Variants in FRZB observed in about 807,000 individuals in gnomAD.
FRZB encodes secreted frizzled-related protein 3.
Under a neutral mutation model 32.5 loss-of-function variants are expected in FRZB, and 34 were observed. The ratio of observed to expected loss-of-function variants is 1.05; its 90% confidence interval spans 0.80 to 1.39. The LOEUF (loss-of-function observed/expected upper bound fraction) is 1.39, where lower values mean the gene tolerates loss of function less well. FRZB is among the 40% of genes most tolerant of loss of function. FRZB has a pLI of 0.00. For synonymous variants in FRZB, 170 were observed against 159.2 expected (o/e 1.07, Z -0.51); for missense variants, 423 against 424.8 (o/e 1.00, Z 0.04).
chr2:182,856,994 C>G (rs868746056), intron 2 of FRZB, among the ~76,000 whole-genome samples: 1 of 152,082 alleles, frequency 6.6e-6, no homozygotes, highest in Non-Finnish European at 1.5e-5. Flanking sequence ...TTCCACCCAA[C>G]AGCAAAATAC....
chr2:182,857,553 GT>G (rs1024107875), intron 2 of FRZB, among the ~76,000 whole-genome samples: 2 of 151,132 alleles, frequency 1.3e-5, no homozygotes, highest in African/African-American at 2.4e-5. Context: ...GGAAGTGGAG[GT>G]TGTGGTGAGC....
At chr2:182,846,857 G>A (rs1695646838) in intron 2 of FRZB, among the ~76,000 whole-genome samples, 1 of 152,068 alleles carries the variant, frequency 6.6e-6, no homozygotes, top group Admixed American at 6.6e-5. Context: ...TTAACATCTG[G>A]TAACATCCAT....
intron 1 of FRZB, among the ~76,000 whole-genome samples, chr2:182,862,307 C>T (rs539296051): frequency 8.5e-5 from 13 of 152,312 alleles, no homozygotes; most frequent in South Asian, 2.1e-4. Context: ...GCCCTTGGCA[C>T]GGCAAACTGT....
intron 5 of FRZB, 80 bp from the exon 6 acceptor site, chr2:182,835,045 G>T: frequency 1.0e-6 from 1 of 994,952 alleles, no homozygotes; most frequent in South Asian, 1.3e-5. Flanking sequence ...AACTGGGTCA[G>T]ACTGCAAGTT....
intron 1 of FRZB, among the ~76,000 whole-genome samples, chr2:182,863,206 G>A (rs933269523): frequency 1.3e-5 from 2 of 151,306 alleles, no homozygotes; most frequent in Non-Finnish European, 3.0e-5. Flanking sequence ...TTCACACCTG[G>A]TCTGCCCCAC....
intron 2 of FRZB, among the ~76,000 whole-genome samples, chr2:182,855,291 A>G (rs1464471419): frequency 1.3e-5 from 2 of 152,186 alleles, no homozygotes; most frequent in East Asian, 3.8e-4. Context: ...TACTCTACAC[A>G]TGAAGATGTA....
chr2:182,853,223 G>T (rs1454693338), intron 2 of FRZB, among the ~76,000 whole-genome samples: 1 of 152,144 alleles, frequency 6.6e-6, no homozygotes, highest in Non-Finnish European at 1.5e-5. Flanking sequence ...AGTAAACACT[G>T]ACTCTGAGAA....
chr2:182,842,947 C>G (rs1695601967), intron 2 of FRZB, among the ~76,000 whole-genome samples: 1 of 152,114 alleles, frequency 6.6e-6, no homozygotes, highest in Non-Finnish European at 1.5e-5. Flanking sequence ...GGACTATCAC[C>G]TAATGTTTTT....
chr2:182,863,205 G>C (rs1299814742), intron 1 of FRZB, among the ~76,000 whole-genome samples: 1 of 151,370 alleles, frequency 6.6e-6, no homozygotes. Flanking sequence ...ATTCACACCT[G>C]GTCTGCCCCA....
At position 182,834,553 on chromosome 2, in the gene FRZB, CTCTGGTAACAGCA is replaced by C. The variant is rs1249729224; in HGVS notation, c.*283_*295del. On this transcript the variant is annotated 3_prime_UTR_variant, in exon 6 of 6. Coordinates refer to ENST00000295113, the MANE Select transcript of FRZB (RefSeq NM_001463.4). ...ACATCTGGAGACTCCAGCAAAGAGGCTCTGGTAACAGCATGTTTAATTTATTATTATTGCAAAA... is the reference window on the plus strand; with the variant it reads ...ACATCTGGAGACTCCAGCAAAGAGGCTGTTTAATTTATTATTATTGCAAAA... 1 of 353,514 alleles carries C rather than the reference CTCTGGTAACAGCA, an allele frequency of 2.8e-6. No individual in the cohort carries two copies. The highest frequency in any genetic ancestry group is 2.1e-5 in the African/African-American group (1 of 48,394). The allele number at this position is 353,514 out of a possible 1,614,324, so 21.9% of individuals were successfully genotyped here. A position where few individuals can be genotyped will look rare whatever the true frequency, so the allele number is the denominator to read the frequency against.
chr2:182,861,191 C>T (rs1695827970), intron 1 of FRZB, among the ~76,000 whole-genome samples: 1 of 152,206 alleles, frequency 6.6e-6, no homozygotes, highest in Admixed American at 6.5e-5. Flanking sequence ...CTGCAATCTG[C>T]TAGGCAAAGA....
intron 2 of FRZB, among the ~76,000 whole-genome samples, chr2:182,851,865 G>C (rs1463502773): frequency 1.3e-5 from 2 of 152,052 alleles, no homozygotes; most frequent in East Asian, 3.9e-4. Flanking sequence ...GAGGAGAGAG[G>C]AACAGAAGCC....
At chr2:182,862,380 G>A (rs185322637) in intron 1 of FRZB, among the ~76,000 whole-genome samples, 6 of 152,250 alleles carry the variant, frequency 3.9e-5, no homozygotes, top group Admixed American at 3.3e-4. Flanking sequence ...TTGATTCCTG[G>A]GTTTCTGAGA....
At chr2:182,838,915 T>C (rs1172984993) in intron 3 of FRZB, among the ~76,000 whole-genome samples, 1 of 152,134 alleles carries the variant, frequency 6.6e-6, no homozygotes, top group African/African-American at 2.4e-5. Context: ...AAAGATTGAG[T>C]CAACAATCTG....
Position 182,842,481 on chromosome 2 carries a change from A to C in FRZB, c.589T>G (p.Tyr197Asp). Residue 197 changes from tyrosine (Y) to aspartate (D), a missense_variant, in exon 3 of 6, where the codon TAT becomes GAT. Coordinates refer to ENST00000295113, the MANE Select transcript of FRZB (RefSeq NM_001463.4). ...QKTYFRNNYN[Y>D]VIRAKVKEIK... ...TCAACCATGAAATTTTCCTTACCAT[A>C]GTTGTAATTGTTCCGGAAATAGGTC... 1.2e-6 allele frequency: 2 copies of C among 1,610,304 alleles called. No individual in the cohort carries two copies. Among genetic ancestry groups the C allele is most frequent in the Non-Finnish European group, 1.7e-6 (2 of 1,176,748 alleles).
chr2:182,854,387 G>C (rs565282638), intron 2 of FRZB, among the ~76,000 whole-genome samples: 1 of 152,186 alleles, frequency 6.6e-6, no homozygotes, highest in East Asian at 1.9e-4. Context: ...ACTCTAAAAC[G>C]TAATACAAGC....
intron 5 of FRZB, among the ~76,000 whole-genome samples, chr2:182,837,347 G>A (rs1695539021): frequency 6.6e-6 from 1 of 151,882 alleles, no homozygotes; most frequent in Non-Finnish European, 1.5e-5. Context: ...TTGTACATAG[G>A]AATTGCTGTT....
chr2:182,858,962 T>C, intron 1 of FRZB, 129 bp from the exon 2 acceptor site: 1 of 743,072 alleles, frequency 1.3e-6, no homozygotes. Flanking sequence ...TAGATTTTTA[T>C]TAACGTCATG....
intron 5 of FRZB, among the ~76,000 whole-genome samples, chr2:182,835,703 G>A (rs1045303907): frequency 2.0e-5 from 3 of 152,098 alleles, no homozygotes; most frequent in African/African-American, 4.8e-5. Flanking sequence ...CTTCAAACAC[G>A]GATATCATAT....
Sources: allele counts gnomAD v4.1 joint callset (sites outside exome capture counted in the v4.1 genomes callset), GRCh38; gene constraint gnomAD v4.1.1; transcripts MANE v1.5; gene names NCBI Gene and HGNC (gene_info 2026-07-23, HGNC 2026-07-21).